TP63: variants seen among roughly 807,000 people sequenced by gnomAD.
The protein encoded by TP63 is tumor protein 63.
Under a neutral mutation model 82.8 loss-of-function variants are expected in TP63, and 17 were observed. The ratio of observed to expected loss-of-function variants is 0.21; its 90% CI spans 0.14 to 0.31. The LOEUF (loss-of-function observed/expected upper bound fraction) is 0.31, where lower values mean the gene tolerates loss of function less well. TP63 is among the 10% of genes least tolerant of loss of function. The probability of loss-of-function intolerance (pLI) is 1.00; values close to 1 mark genes in which losing one functional copy is unlikely to be tolerated. For missense variants in TP63, 648 were observed against 895.3 expected (o/e 0.72, Z 3.52); for synonymous variants, 330 against 321.7 (o/e 1.03, Z -0.28).
chr3:189,829,398 A>G (rs1290959315), intron 4 of TP63, among the ~76,000 whole-genome samples: 1 of 152,250 alleles, frequency 6.6e-6, no homozygotes, highest in Admixed American at 6.5e-5. Flanking sequence ...TAAACAAGTT[A>G]GCATCCAACT....
At chr3:189,890,743 C>A in intron 12 of TP63, 46 bp from the exon 13 acceptor site, 2 of 1,587,908 alleles carry the variant, frequency 1.3e-6, no homozygotes, top group Non-Finnish European at 8.6e-7. Context: ...TTGGGGTGAA[C>A]TTTCTTTTTC....
chr3:189,713,064 A>G (rs1445058762), intron 1 of TP63, among the ~76,000 whole-genome samples: 1 of 152,208 alleles, frequency 6.6e-6, no homozygotes, highest in Non-Finnish European at 1.5e-5. Flanking sequence ...ACCACAGCAC[A>G]GACAGAGAGG....
At chr3:189,799,022 A>G (rs1339862123) in intron 3 of TP63, among the ~76,000 whole-genome samples, 1 of 152,148 alleles carries the variant, frequency 6.6e-6, no homozygotes, top group Non-Finnish European at 1.5e-5. Context: ...AAAGCAAATT[A>G]GAACTCATGA....
intron 1 of TP63, among the ~76,000 whole-genome samples, chr3:189,710,678 C>A (rs1260928924): frequency 6.6e-6 from 1 of 152,006 alleles, no homozygotes; most frequent in African/African-American, 2.4e-5. Context: ...CTTAAAATGG[C>A]CATCTTGGAG....
chr3:189,613,596 G>A, the TP63 span, among the ~76,000 whole-genome samples: 1 of 152,146 alleles, frequency 6.6e-6, no homozygotes, highest in African/African-American at 2.4e-5. Flanking sequence ...TGAGAAGAGG[G>A]CCACAGTCCT....
At chr3:189,853,146 T>G (rs1333227099) in intron 4 of TP63, among the ~76,000 whole-genome samples, 1 of 152,220 alleles carries the variant, frequency 6.6e-6, no homozygotes, top group East Asian at 1.9e-4. Context: ...CACTCTCATC[T>G]TACACTTGGA....
chr3:189,789,645 C>A, intron 3 of TP63: 1 of 1,408,520 alleles, frequency 7.1e-7, no homozygotes. Context: ...TATTAGGAAA[C>A]CTTAAATTAT....
At chr3:189,709,270 G>T (rs186788912) in intron 1 of TP63, among the ~76,000 whole-genome samples, 29 of 152,216 alleles carry the variant, frequency 1.9e-4, no homozygotes, top group African/African-American at 5.5e-4. Context: ...AAATTATTAT[G>T]ATGGTTTTCT....
At chr3:189,843,908 T>G (rs1714500822) in intron 4 of TP63, among the ~76,000 whole-genome samples, 1 of 152,134 alleles carries the variant, frequency 6.6e-6, no homozygotes, top group Admixed American at 6.5e-5. Flanking sequence ...ACATGTAGTT[T>G]AGAAATAGAA....
At chr3:189,758,436 G>A (rs904530970) in intron 3 of TP63, among the ~76,000 whole-genome samples, 1 of 152,172 alleles carries the variant, frequency 6.6e-6, no homozygotes, top group African/African-American at 2.4e-5. Context: ...CCCCTCCTTA[G>A]TGCACATGTC....
At chr3:189,649,258 A>G (rs1446965487) in intron 1 of TP63, among the ~76,000 whole-genome samples, 6 of 147,078 alleles carry the variant, frequency 4.1e-5, no homozygotes, top group South Asian at 4.5e-4. Context: ...ATGCCCATCA[A>G]TGGTAGACTG....
At chr3:189,816,740 A>G (rs894728845) in intron 4 of TP63, among the ~76,000 whole-genome samples, 10 of 152,136 alleles carry the variant, frequency 6.6e-5, no homozygotes, top group Non-Finnish European at 1.3e-4. Context: ...GTAGATATGG[A>G]ATGGTTTTTA....
Position 189,894,712 on chromosome 3 carries a change from G to A in TP63, c.*210G>A, listed in dbSNP as rs867867327. On this transcript the variant is annotated 3_prime_UTR_variant, in exon 14 of 14. Coordinates refer to ENST00000264731, the MANE Select transcript of TP63 (RefSeq NM_003722.5). ...CTTTAAGCCTTCAAAACTATAGCTT[G>A]CAGAACTGTAGCTGCCATGGCTAGG... 33 of 623,788 alleles carry A rather than the reference G, an allele frequency of 5.3e-5. 1 individual carries two copies. In the South Asian group the frequency reaches 6.4e-4, roughly 12 times the overall value. 38.6% of individuals were successfully genotyped at this position (623,788 alleles called of 1,614,324 possible). A position where few individuals can be genotyped will look rare whatever the true frequency, so the allele number is the denominator to read the frequency against.
At chr3:189,710,028 G>T (rs1488410886) in intron 1 of TP63, among the ~76,000 whole-genome samples, 1 of 152,050 alleles carries the variant, frequency 6.6e-6, no homozygotes, top group Admixed American at 6.6e-5. Flanking sequence ...AAAAATAGGG[G>T]GTTGTGTAAT....
At chr3:189,785,139 G>A (rs1724501756) in intron 3 of TP63, among the ~76,000 whole-genome samples, 1 of 151,920 alleles carries the variant, frequency 6.6e-6, no homozygotes, top group Non-Finnish European at 1.5e-5. Context: ...AGCTTGAATT[G>A]AAAGCGATAT....
At chr3:189,755,027 A>G (rs2108527977) in intron 3 of TP63, among the ~76,000 whole-genome samples, 1 of 152,270 alleles carries the variant, frequency 6.6e-6, no homozygotes. Context: ...GTACTCAGAC[A>G]CACTAGAGTT....
chr3:189,877,646 C>G (rs1428372856), intron 10 of TP63, among the ~76,000 whole-genome samples: 1 of 152,112 alleles, frequency 6.6e-6, no homozygotes, highest in Non-Finnish European at 1.5e-5. Context: ...TCATTAGTAA[C>G]ACAAGTCAGA....
At chr3:189,661,813 A>G (rs935059874) in intron 1 of TP63, among the ~76,000 whole-genome samples, 1 of 152,172 alleles carries the variant, frequency 6.6e-6, no homozygotes, top group African/African-American at 2.4e-5. Context: ...TTGTGTTTCT[A>G]GAAATTTATC....
At chr3:189,868,460 A>G in intron 7 of TP63, 120 bp from the exon 8 acceptor site, 6 of 1,470,848 alleles carry the variant, frequency 4.1e-6, no homozygotes, top group South Asian at 3.6e-5. Flanking sequence ...CAAAGCCGCC[A>G]TGGCTAAGCT....
Sources: gnomAD v4.1 joint callset for allele counts (sites outside exome capture counted in the v4.1 genomes callset) on GRCh38, gnomAD v4.1.1 for gene constraint, MANE v1.5 for transcripts, NCBI Gene and HGNC (gene_info 2026-07-23, HGNC 2026-07-21) for gene names.